Variants in KMO observed in about 807,000 individuals in gnomAD.
KMO encodes the protein kynurenine 3-monooxygenase, also known as kynurenine 3-hydroxylase.
Under a neutral mutation model 57.8 loss-of-function variants are expected in KMO, and 24 were observed. The observed-to-expected ratio is 0.42, with a 90% CI of 0.30 to 0.58. KMO has a LOEUF of 0.58. Ranked by LOEUF, KMO falls within the 20% of genes least tolerant of loss-of-function variation. KMO has a pLI of 0.22. For synonymous variants in KMO, 210 were observed against 193.6 expected (o/e 1.08, Z -0.70); for missense variants, 483 against 588.2 (o/e 0.82, Z 1.85).
intron 1 of KMO, among the ~76,000 whole-genome samples, chr1:241,543,683 A>T (rs1661035175): frequency 6.6e-6 from 1 of 152,170 alleles, no homozygotes; most frequent in East Asian, 1.9e-4. Flanking sequence ...ATCCAACTTG[A>T]AAAGATAATT....
chr1:241,587,723 C>G (rs1046882803), intron 11 of KMO, among the ~76,000 whole-genome samples: 1 of 151,752 alleles, frequency 6.6e-6, no homozygotes, highest in Admixed American at 6.6e-5. Flanking sequence ...GGATTATAGG[C>G]GTGAGCCACC....
chr1:241,574,353 G>C (rs1044509789), intron 10 of KMO, among the ~76,000 whole-genome samples: 6 of 151,968 alleles, frequency 3.9e-5, no homozygotes, highest in African/African-American at 1.4e-4. Context: ...TTTCAGTTCT[G>C]AAGGGGAATT....
intron 12 of KMO, 40 bp from the exon 13 acceptor site, chr1:241,589,972 A>G: frequency 6.9e-7 from 1 of 1,445,334 alleles, no homozygotes; most frequent in Non-Finnish European, 9.7e-7. Context: ...AAATAGCTGT[A>G]TTTGTTCAAA....
chr1:241,536,455 G>C (rs1309629802), intron 1 of KMO: 2 of 960,302 alleles, frequency 2.1e-6, no homozygotes, highest in East Asian at 2.3e-4. Context: ...TTTGATAACT[G>C]TTTTCAGTGT....
Position 241,566,371 on chromosome 1 carries a change from T to A in KMO, c.688-120T>A. 3 of 1,128,486 alleles carry A rather than the reference T, an allele frequency of 2.7e-6. No homozygotes were observed. The South Asian group carries it at 4.8e-5, about 18-fold the overall frequency. 69.9% of individuals were successfully genotyped at this position (1,128,486 alleles called of 1,614,324 possible). A position where few individuals can be genotyped will look rare whatever the true frequency, so the allele number is the denominator to read the frequency against. ...AGTGACAGTGCCTTTCCTGTCTGCTTGGACATTCCTTCCAAAAGCTCCCTG... is the reference window on the plus strand; with the variant it reads ...AGTGACAGTGCCTTTCCTGTCTGCTAGGACATTCCTTCCAAAAGCTCCCTG... On this transcript the variant is annotated intron_variant, in intron 8 of 14. Coordinates refer to ENST00000366559, the MANE Select transcript of KMO (RefSeq NM_003679.5).
intron 7 of KMO, 114 bp downstream of exon 7, chr1:241,562,446 C>A (rs1661884445): frequency 3.0e-6 from 3 of 989,668 alleles, no homozygotes; most frequent in Non-Finnish European, 4.6e-6. Context: ...TGAGGCCTAT[C>A]ACAAGAACTT....
At chr1:241,557,183 A>G (rs1400890007) in intron 5 of KMO, among the ~76,000 whole-genome samples, 1 of 152,212 alleles carries the variant, frequency 6.6e-6, no homozygotes, top group East Asian at 1.9e-4. Context: ...CTACGTGTTC[A>G]TGGAAAAGCC....
At chr1:241,550,687 A>G (rs1661361519) in intron 3 of KMO, among the ~76,000 whole-genome samples, 2 of 152,190 alleles carry the variant, frequency 1.3e-5, no homozygotes, top group Admixed American at 6.5e-5. Context: ...CTGTAACAAC[A>G]AATCACTTCC....
At chr1:241,547,815 C>A (rs951175454) in intron 1 of KMO, among the ~76,000 whole-genome samples, 2 of 152,066 alleles carry the variant, frequency 1.3e-5, no homozygotes, top group Non-Finnish European at 2.9e-5. Context: ...ACCAGATATT[C>A]CACTTCCATG....
chr1:241,567,189 G>C (rs924890163), intron 9 of KMO, among the ~76,000 whole-genome samples: 1 of 152,206 alleles, frequency 6.6e-6, no homozygotes, highest in African/African-American at 2.4e-5. Flanking sequence ...GCTACAGAGA[G>C]CATGCCTTAG....
intron 2 of KMO, 146 bp from the exon 3 acceptor site, chr1:241,549,531 T>G (rs1329083115): frequency 2.4e-6 from 1 of 418,640 alleles, no homozygotes; most frequent in East Asian, 3.5e-5. Flanking sequence ...AATATAAAGT[T>G]ACTGCTATTA....
chr1:241,568,729 T>G (rs1315078300), intron 10 of KMO, 82 bp downstream of exon 10: 49 of 1,308,542 alleles, frequency 3.7e-5, no homozygotes, highest in Middle Eastern at 3.7e-4. Flanking sequence ...AAAATATGTC[T>G]AAGACTATCC....
chr1:241,539,642 G>A (rs763255440), intron 1 of KMO, among the ~76,000 whole-genome samples: 33 of 152,172 alleles, frequency 2.2e-4, no homozygotes, highest in Non-Finnish European at 4.4e-4. Context: ...AAGGAAGATT[G>A]AGCAGGCTCC....
chr1:241,588,329 C>CTTTTTTTTTTTTTT (rs57587351), intron 11 of KMO, among the ~76,000 whole-genome samples: 88 of 98,404 alleles, frequency 8.9e-4, no homozygotes, highest in Non-Finnish European at 1.2e-3. Context: ...TCTTTTTTTT[C>CTTTTTTTTTTTTTT]TTTTTTTTTT....
intron 5 of KMO, among the ~76,000 whole-genome samples, chr1:241,556,533 A>G (rs994730550): frequency 1.3e-5 from 2 of 152,144 alleles, no homozygotes; most frequent in Non-Finnish European, 2.9e-5. Context: ...AAGAACTCAC[A>G]CTCTAATGGA....
intron 10 of KMO, among the ~76,000 whole-genome samples, chr1:241,575,220 T>G (rs1662464573): frequency 6.6e-6 from 1 of 152,082 alleles, no homozygotes; most frequent in Non-Finnish European, 1.5e-5. Context: ...AAGAATCAAC[T>G]TTTTGTCTTG....
intron 4 of KMO, among the ~76,000 whole-genome samples, chr1:241,555,142 AACAC>A (rs145264472): frequency 2.0e-5 from 3 of 151,592 alleles, no homozygotes; most frequent in Non-Finnish European, 2.9e-5. Flanking sequence ...TGCCACAACC[AACAC>A]ACACACACAC....
chr1:241,534,410 T>A (rs1473685833), intron 1 of KMO, among the ~76,000 whole-genome samples: 1 of 152,214 alleles, frequency 6.6e-6, no homozygotes, highest in African/African-American at 2.4e-5. Flanking sequence ...GAGATTGTCA[T>A]CATGTAACCA....
chr1:241,563,754 T>C, intron 7 of KMO, among the ~76,000 whole-genome samples: 1 of 152,224 alleles, frequency 6.6e-6, no homozygotes, highest in East Asian at 1.9e-4. Context: ...TTTAAGAACA[T>C]TGTTTAGGCA....
Sources: gnomAD v4.1 joint callset for allele counts (sites outside exome capture counted in the v4.1 genomes callset) on GRCh38, gnomAD v4.1.1 for gene constraint, MANE v1.5 for transcripts, NCBI Gene and HGNC (gene_info 2026-07-23, HGNC 2026-07-21) for gene names.